The following CRYBA4 variants were observed in gnomAD, a reference collection of about 807,000 sequenced individuals.
CRYBA4 encodes the protein beta-crystallin A4.
In CRYBA4, 30 loss-of-function variants were observed where a neutral mutation model predicts 31.7. The observed-to-expected ratio is 0.95, with a 90% CI of 0.71 to 1.28. The LOEUF (loss-of-function observed/expected upper bound fraction) is 1.28, where lower values mean the gene tolerates loss of function less well. CRYBA4 is among the 50% of genes most tolerant of loss of function. The pLI, the probability that CRYBA4 is intolerant of heterozygous loss-of-function variation, is 0.00. For missense variants in CRYBA4, 225 were observed against 260.7 expected (o/e 0.86, Z 0.94); for synonymous variants, 102 against 102.3 (o/e 1.00, Z 0.02).
At chr22:26,621,578 A>T (rs906570038), upstream of CRYBA4, among the ~76,000 whole-genome samples, 7 of 152,220 alleles carry the variant, frequency 4.6e-5, no homozygotes, top group African/African-American at 1.7e-4. Flanking sequence ...ATGTAACCTC[A>T]CAACAACTCT....
chr22:26,607,828 G>A, the CRYBA4 span: 11 of 1,611,774 alleles, frequency 6.8e-6, no homozygotes, highest in Non-Finnish European at 8.5e-6. Context: ...TCAGATCTCA[G>A]ACTTACACCT....
chr22:26,600,172 C>G, the CRYBA4 span, among the ~76,000 whole-genome samples: 1 of 152,012 alleles, frequency 6.6e-6, no homozygotes, highest in East Asian at 1.9e-4. Context: ...GAGGCTGAGG[C>G]GGGCAAATCA....
the CRYBA4 span, among the ~76,000 whole-genome samples, chr22:26,596,096 A>G: frequency 4.6e-5 from 7 of 151,992 alleles, no homozygotes; most frequent in Admixed American, 4.6e-4. Context: ...CAATGCAAAG[A>G]GTTTTTATTT....
chr22:26,622,784 G>A lies in CRYBA4; in HGVS notation c.39+149G>A, dbSNP rs575966853. The stretch of plus-strand genomic sequence containing the variant: ...AGAAGGGACTTGTATGTCACATACA[G>A]GGAGGTTGAATGTGAATTTGGGTCT... On this transcript the variant is annotated intron_variant, in intron 2 of 5. Coordinates refer to ENST00000354760, the MANE Select transcript of CRYBA4 (RefSeq NM_001886.3). 5 of 695,746 alleles carry A rather than the reference G, an allele frequency of 7.2e-6. No homozygotes were observed. The South Asian group carries it at 8.2e-5, about 11-fold the overall frequency. 43.1% of individuals were successfully genotyped at this position (695,746 alleles called of 1,614,324 possible). A position where few individuals can be genotyped will look rare whatever the true frequency, so the allele number is the denominator to read the frequency against.
the CRYBA4 span, among the ~76,000 whole-genome samples, chr22:26,611,560 C>T: frequency 1.3e-5 from 2 of 151,606 alleles, no homozygotes; most frequent in South Asian, 2.1e-4. Flanking sequence ...CTGCAAGCTC[C>T]GCTTCCCGGG....
the CRYBA4 span, chr22:26,602,127 G>T: frequency 7.1e-7 from 1 of 1,412,002 alleles, no homozygotes; most frequent in Non-Finnish European, 9.8e-7. Context: ...AGCCTGTTCA[G>T]GCTGCTGGGG....
At chr22:26,609,893 C>T in the CRYBA4 span, among the ~76,000 whole-genome samples, 1 of 152,080 alleles carries the variant, frequency 6.6e-6, no homozygotes, top group Non-Finnish European at 1.5e-5. Context: ...GTTGCATCTA[C>T]CTTGTTGGGA....
At chr22:26,590,768 A>AC in the CRYBA4 span, among the ~76,000 whole-genome samples, 5 of 150,586 alleles carry the variant, frequency 3.3e-5, no homozygotes, top group African/African-American at 7.3e-5. Flanking sequence ...CCCTGCCACT[A>AC]CCCCCCCAAA....
chr22:26,607,493 G>C, the CRYBA4 span, among the ~76,000 whole-genome samples: 3 of 150,802 alleles, frequency 2.0e-5, no homozygotes, highest in Non-Finnish European at 2.9e-5. Context: ...GGAGTTCAAG[G>C]CTGCAGTGAG....
At chr22:26,619,435 A>G (rs1443205286), upstream of CRYBA4, among the ~76,000 whole-genome samples, 1 of 152,210 alleles carries the variant, frequency 6.6e-6, no homozygotes, top group Non-Finnish European at 1.5e-5. Context: ...AACTCACAGT[A>G]CAGCTGGGGT....
upstream of CRYBA4, among the ~76,000 whole-genome samples, chr22:26,620,220 C>T (rs572148550): frequency 6.6e-6 from 1 of 152,194 alleles, no homozygotes; most frequent in Admixed American, 6.5e-5. Context: ...GCTTTTTGAT[C>T]AACAATTAAT....
the CRYBA4 span, among the ~76,000 whole-genome samples, chr22:26,595,918 A>T: frequency 6.6e-6 from 1 of 151,522 alleles, no homozygotes; most frequent in Non-Finnish European, 1.5e-5. Flanking sequence ...GACTACAGGC[A>T]TGCACCACTG....
chr22:26,603,197 T>C, the CRYBA4 span, among the ~76,000 whole-genome samples: 12 of 151,996 alleles, frequency 7.9e-5, no homozygotes, highest in African/African-American at 2.9e-4. Context: ...TTGGACATTT[T>C]ACTCTGCCTC....
intron 3 of CRYBA4, among the ~76,000 whole-genome samples, chr22:26,624,699 TTC>T (rs2145980057): frequency 6.6e-6 from 1 of 152,308 alleles, no homozygotes; most frequent in Admixed American, 6.5e-5. Context: ...CTTGGATAGA[TTC>T]AGACAGTTTA....
chr22:26,619,848 G>A (rs1401654913), upstream of CRYBA4, among the ~76,000 whole-genome samples: 1 of 152,262 alleles, frequency 6.6e-6, no homozygotes, highest in Non-Finnish European at 1.5e-5. Context: ...GGAATGGGCT[G>A]TCTGCCAGAG....
the CRYBA4 span, among the ~76,000 whole-genome samples, chr22:26,613,582 A>G: frequency 1.1e-4 from 16 of 152,300 alleles, no homozygotes; most frequent in Admixed American, 2.6e-4. Context: ...CACTTCCCCA[A>G]TCAATACCCT....
chr22:26,595,041 C>A, the CRYBA4 span, among the ~76,000 whole-genome samples: 1 of 152,202 alleles, frequency 6.6e-6, no homozygotes, highest in Non-Finnish European at 1.5e-5. Flanking sequence ...TCCTAAGTCA[C>A]ACTCACTCTC....
chr22:26,592,723 G>A, the CRYBA4 span, among the ~76,000 whole-genome samples: 2 of 152,216 alleles, frequency 1.3e-5, no homozygotes, highest in African/African-American at 4.8e-5. Flanking sequence ...CAGGGGAAGG[G>A]CATGGGGAGC....
chr22:26,616,245 C>G, the CRYBA4 span: 1 of 1,614,050 alleles, frequency 6.2e-7, no homozygotes, highest in Admixed American at 1.7e-5. Context: ...CAGGTGGGGC[C>G]CCCTTCCCCT....
Sources: allele counts gnomAD v4.1 joint callset (sites outside exome capture counted in the v4.1 genomes callset), GRCh38; gene constraint gnomAD v4.1.1; transcripts MANE v1.5; gene names NCBI Gene and HGNC (gene_info 2026-07-23, HGNC 2026-07-21).